AGBL4: variants seen among roughly 807,000 people sequenced by gnomAD.
AGBL4 encodes AGBL carboxypeptidase 4, also known as cytosolic carboxypeptidase 6.
Under a neutral mutation model 66.4 loss-of-function variants are expected in AGBL4, and 58 were observed. The ratio of observed to expected loss-of-function variants is 0.87; its 90% CI spans 0.71 to 1.09. AGBL4 has a LOEUF of 1.09. Among genes scored for constraint, AGBL4 ranks in the 50% least tolerant of loss-of-function variants. AGBL4 has a pLI of 0.00. For missense variants in AGBL4, 579 were observed against 631.0 expected (o/e 0.92, Z 0.88); for synonymous variants, 234 against 222.9 (o/e 1.05, Z -0.44).
intron 2 of AGBL4, among the ~76,000 whole-genome samples, chr1:49,711,358 G>A (rs1395004215): frequency 6.6e-6 from 1 of 152,096 alleles, no homozygotes; most frequent in African/African-American, 2.4e-5. Context: ...CTTTCAGTAG[G>A]TTGAATGGAT....
At chr1:49,764,058 GCAAC>G (rs1558232348) in intron 2 of AGBL4, among the ~76,000 whole-genome samples, 1 of 151,990 alleles carries the variant, frequency 6.6e-6, no homozygotes, top group African/African-American at 2.4e-5. Flanking sequence ...TTCACGCTGC[GCAAC>G]CCCCTACATC....
chr1:48,701,445 TC>T (rs1414941848), intron 6 of AGBL4, among the ~76,000 whole-genome samples: 2 of 19,366 alleles, frequency 1.0e-4, no homozygotes, highest in Non-Finnish European at 9.5e-3. Flanking sequence ...GGCTTTTTTT[TC>T]TTTTTCTTTT....
Position 49,523,956 on chromosome 1 carries a change from CCATCAT to C in AGBL4, c.282+173351_282+173356del, listed in dbSNP as rs201580756. On this transcript the variant is annotated intron_variant, in intron 3 of 13. Coordinates refer to ENST00000371839, the MANE Select transcript of AGBL4 (RefSeq NM_032785.4). ...GTTCAGACAATGATGAGCATTATCA[CCATCAT>C]CATCATCATCATCATCATCATCATC... is the stretch of plus-strand genomic sequence containing the variant. 7.7e-4 allele frequency among the ~76,000 whole-genome samples: 117 copies of C among 150,982 alleles called. No homozygotes were observed. The East Asian group carries it at 9.9e-3, about 13-fold the overall frequency.
intron 5 of AGBL4, among the ~76,000 whole-genome samples, chr1:48,988,317 T>G (rs1460863912): frequency 2.0e-5 from 3 of 152,144 alleles, no homozygotes; most frequent in Admixed American, 2.0e-4. Flanking sequence ...CTTCACTGAA[T>G]AGGGGGGGCT....
chr1:48,874,268 C>T (rs1292699695), intron 5 of AGBL4, among the ~76,000 whole-genome samples: 1 of 152,118 alleles, frequency 6.6e-6, no homozygotes, highest in Non-Finnish European at 1.5e-5. Context: ...CATTCCCTCC[C>T]CCAGCCATAG....
chr1:48,586,751 T>C (rs11579440), intron 11 of AGBL4: 73,736 of 443,460 alleles, frequency 0.17, 6,870 homozygotes, highest in East Asian at 0.3. Flanking sequence ...GGAAGCAGAG[T>C]AAGATATGGG....
intron 6 of AGBL4, among the ~76,000 whole-genome samples, chr1:48,663,672 C>A (rs956326811): frequency 6.6e-6 from 1 of 152,126 alleles, no homozygotes; most frequent in Non-Finnish European, 1.5e-5. Flanking sequence ...AACAGGCTTA[C>A]ACATTGCATA....
intron 11 of AGBL4, among the ~76,000 whole-genome samples, chr1:48,581,245 C>T (rs982811165): frequency 1.2e-4 from 19 of 152,140 alleles, no homozygotes; most frequent in Admixed American, 2.0e-4. Flanking sequence ...CTTCAGAGGA[C>T]GCAGTGCAAG....
At chr1:49,641,008 C>T (rs1645770603) in intron 3 of AGBL4, among the ~76,000 whole-genome samples, 1 of 152,080 alleles carries the variant, frequency 6.6e-6, no homozygotes, top group Non-Finnish European at 1.5e-5. Flanking sequence ...ATCATTTGTA[C>T]ATCAAACCCC....
At chr1:49,569,611 G>A (rs1382740704) in intron 3 of AGBL4, among the ~76,000 whole-genome samples, 1 of 151,846 alleles carries the variant, frequency 6.6e-6, no homozygotes, top group Non-Finnish European at 1.5e-5. Flanking sequence ...TAAATTTATT[G>A]GGTACAAATG....
chr1:49,162,867 T>C (rs971440191), intron 4 of AGBL4, among the ~76,000 whole-genome samples: 4 of 152,214 alleles, frequency 2.6e-5, no homozygotes, highest in African/African-American at 7.2e-5. Flanking sequence ...TAACACATAA[T>C]AGAAAATCAA....
At chr1:48,817,909 G>T (rs957780306) in intron 6 of AGBL4, 4 of 620,500 alleles carry the variant, frequency 6.4e-6, no homozygotes, top group Admixed American at 2.9e-5. Context: ...TCCATTTTGG[G>T]TGAATGGTGG....
At chr1:48,979,328 G>C (rs1431788452) in intron 5 of AGBL4, among the ~76,000 whole-genome samples, 1 of 151,916 alleles carries the variant, frequency 6.6e-6, no homozygotes, top group Non-Finnish European at 1.5e-5. Flanking sequence ...TATGTATCAC[G>C]TGCCTGCTAT....
intron 3 of AGBL4, among the ~76,000 whole-genome samples, chr1:49,339,948 A>G (rs550268911): frequency 6.6e-6 from 1 of 152,304 alleles, no homozygotes; most frequent in Non-Finnish European, 1.5e-5. Context: ...CATCAATACC[A>G]TATTCTCTTT....
chr1:49,356,513 C>A (rs1644022939), intron 3 of AGBL4, among the ~76,000 whole-genome samples: 2 of 152,166 alleles, frequency 1.3e-5, no homozygotes, highest in South Asian at 4.1e-4. Context: ...TTTTCAAATA[C>A]CCCCACCTCA....
chr1:49,999,860 G>A (rs531858380), intron 1 of AGBL4, among the ~76,000 whole-genome samples: 8 of 152,162 alleles, frequency 5.3e-5, no homozygotes, highest in East Asian at 1.9e-4. Flanking sequence ...GGGATAATTC[G>A]CAAGCCACAT....
At chr1:48,650,861 G>A (rs940698994) in intron 8 of AGBL4, among the ~76,000 whole-genome samples, 4 of 152,108 alleles carry the variant, frequency 2.6e-5, no homozygotes, top group Non-Finnish European at 4.4e-5. Context: ...TTGAAAAGTC[G>A]TATGAATAAA....
intron 5 of AGBL4, among the ~76,000 whole-genome samples, chr1:48,996,059 G>C (rs917344244): frequency 3.9e-5 from 6 of 151,952 alleles, no homozygotes; most frequent in Non-Finnish European, 7.4e-5. Flanking sequence ...AGAGTGGCAA[G>C]ACTCACTAAT....
At position 50,003,182 on chromosome 1, in the gene AGBL4, CAAAT is replaced by C. The variant is rs1438820397; in HGVS notation, c.34+20577_34+20580del. ...ATACAAGAATGTGATAAATATGACT[CAAAT>C]AAAGCTATATAAAAGTTAACATGAA... On this transcript the variant is annotated intron_variant, in intron 1 of 13. Transcript: ENST00000371839. Among the ~76,000 whole-genome samples the C allele has an allele frequency of 5.9e-5, 9 of 152,232 alleles. No individual in the cohort carries two copies. The South Asian group carries it at 1.2e-3, about 21-fold the overall frequency.
Sources: allele counts gnomAD v4.1 joint callset (sites outside exome capture counted in the v4.1 genomes callset), GRCh38; gene constraint gnomAD v4.1.1; transcripts MANE v1.5; gene names NCBI Gene and HGNC (gene_info 2026-07-23, HGNC 2026-07-21).